SPG7: variants seen among roughly 807,000 people sequenced by gnomAD.
SPG7 encodes the protein mitochondrial inner membrane m-AAA protease component paraplegin.
A neutral mutation model predicts 81.9 loss-of-function variants in SPG7; 103 were observed. The ratio of observed to expected loss-of-function variants is 1.26; its 90% CI spans 1.07 to 1.48. The LOEUF (loss-of-function observed/expected upper bound fraction) is 1.48. Among genes scored for constraint, SPG7 ranks in the 40% most tolerant of loss-of-function variants. The probability of loss-of-function intolerance (pLI) is 0.00; values close to 1 mark genes in which losing one functional copy is unlikely to be tolerated. For synonymous variants in SPG7, 534 were observed against 444.2 expected (o/e 1.20, Z -2.54); for missense variants, 1,241 against 1,087.3 (o/e 1.14, Z -1.99).
Position 89,546,964 on chromosome 16 carries a change from C to G in SPG7, c.1552+204C>G, listed in dbSNP as rs146008681. The G allele has an allele frequency of 6.9e-6, 4 of 578,162 alleles. No homozygotes were observed. In the East Asian group the frequency reaches 1.2e-4, roughly 18 times the overall value. The allele number at this position is 578,162 out of a possible 1,614,324, so 35.8% of individuals were successfully genotyped here. A position where few individuals can be genotyped will look rare whatever the true frequency, so the allele number is the denominator to read the frequency against. On this transcript the variant is annotated intron_variant, in intron 11 of 16. Coordinates refer to ENST00000645818, the MANE Select transcript of SPG7 (RefSeq NM_003119.4). ...GGCACCCGCACTCCGTCCTCCGCCCCGGGGTGGAAAAGCAGACGGTGGTTC... is the reference window on the plus strand; with the variant it reads ...GGCACCCGCACTCCGTCCTCCGCCCGGGGGTGGAAAAGCAGACGGTGGTTC...
At chr16:89,526,952 G>C (rs899091378) in intron 5 of SPG7, 1 of 214,586 alleles carries the variant, frequency 4.7e-6, no homozygotes, top group African/African-American at 2.5e-5. Flanking sequence ...CCCCGACGTA[G>C]GATGGCGAAG....
At chr16:89,529,612 T>C (rs186371421) in intron 6 of SPG7, 33 bp downstream of exon 6, 33 of 1,482,620 alleles carry the variant, frequency 2.2e-5, no homozygotes, top group Admixed American at 2.0e-4. Flanking sequence ...CTCTGAACTC[T>C]TTCTGGTTTG....
chr16:89,532,286 G>A (rs555364362), intron 8 of SPG7, among the ~76,000 whole-genome samples, 177 bp from the exon 9 acceptor site: 125 of 152,358 alleles, frequency 8.2e-4, no homozygotes, highest in Non-Finnish European at 1.6e-3. Flanking sequence ...CACGGTGCGT[G>A]TGAACCCTGA....
intron 3 of SPG7, 184 bp from the exon 4 acceptor site, chr16:89,523,822 C>G: frequency 4.9e-6 from 4 of 823,480 alleles, no homozygotes; most frequent in Non-Finnish European, 6.0e-6. Flanking sequence ...TGGGTGACCT[C>G]GAACAGCACA....
chr16:89,541,044 G>A (rs550881710), intron 9 of SPG7: 1 of 985,064 alleles, frequency 1.0e-6, no homozygotes, highest in South Asian at 4.7e-5. Flanking sequence ...TTATCACGGT[G>A]TTGTACGCAG....
At chr16:89,534,428 A>ATGT (rs1330939241) in intron 9 of SPG7, among the ~76,000 whole-genome samples, 1 of 152,230 alleles carries the variant, frequency 6.6e-6, no homozygotes, top group Non-Finnish European at 1.5e-5. Context: ...GTGGTGAATC[A>ATGT]GGCTGTGTTA....
Position 89,527,893 on chromosome 16 carries a change from C to T in SPG7, c.758+1425C>T, listed in dbSNP as rs545841666. Among the ~76,000 whole-genome samples the T allele has an allele frequency of 1.9e-4, 29 of 150,650 alleles. 1 individual carries two copies. The highest frequency in any genetic ancestry group is 3.5e-3 in the Middle Eastern group (1 of 284). ...GGAGGATCTCTTGAGCCCACAAGTT[C>T]GAGACCAGTCTGGGCAGCATGGAGA... On this transcript the variant is annotated intron_variant, in intron 5 of 16. Coordinates refer to ENST00000645818, the MANE Select transcript of SPG7 (RefSeq NM_003119.4).
At position 89,550,298 on chromosome 16, in the gene SPG7, A is replaced by C. The variant is rs1465904213; in HGVS notation, c.1664-196A>C. 6 of 555,368 alleles carry C rather than the reference A, an allele frequency of 1.1e-5. No homozygotes were observed. The highest frequency in any genetic ancestry group is 2.4e-5 in the Admixed American group (1 of 41,028). 34.4% of individuals were successfully genotyped at this position (555,368 alleles called of 1,614,324 possible). ...AGTGATTCTCTTGCCTCAGCCTCCC[A>C]AGTAGCTGGGACTGCAGGCGCCCGC... On this transcript the variant is annotated intron_variant, in intron 12 of 16. Transcript: ENST00000645818.
intron 3 of SPG7, chr16:89,523,416 C>T: frequency 3.1e-6 from 1 of 324,440 alleles, no homozygotes; most frequent in Non-Finnish European, 6.1e-6. Flanking sequence ...TTTCTTGAGG[C>T]AGGTTGTGGT....
intron 9 of SPG7, among the ~76,000 whole-genome samples, chr16:89,534,464 T>C (rs1243587715): frequency 6.6e-6 from 1 of 152,230 alleles, no homozygotes; most frequent in African/African-American, 2.4e-5. Context: ...TCTTCTGAAG[T>C]CTCTGCTTTG....
rs2081982 is a variant in SPG7 at position 89,553,667 on chromosome 16, G to A, written c.1937-127G>A. ...CAACGTCCTCACTGTCCAGCTTCAC[G>A]GTGGGTCCTCGGGAGGAAGGGGATG... On this transcript the variant is annotated intron_variant, in intron 14 of 16. Transcript: ENST00000645818. 2.6e-3 allele frequency: 2,265 copies of A among 872,062 alleles called. 83 individuals are homozygous for A. In the East Asian group the frequency reaches 0.052, roughly 20 times the overall value. The allele number at this position is 872,062 out of a possible 1,614,324, so 54.0% of individuals were successfully genotyped here.
chr16:89,512,462 G>A (rs1293308602), intron 2 of SPG7, among the ~76,000 whole-genome samples: 2 of 152,074 alleles, frequency 1.3e-5, no homozygotes, highest in African/African-American at 4.8e-5. Flanking sequence ...ACAAGCGCCT[G>A]CCAACACGTC....
chr16:89,544,645 C>T lies in SPG7; in HGVS notation c.1325-3C>T, dbSNP rs1567926244. 1.2e-6 allele frequency: 2 copies of T among 1,613,990 alleles called. No individual in the cohort carries two copies. Among genetic ancestry groups the T allele is most frequent in the Middle Eastern group, 1.6e-4 (1 of 6,062 alleles). On this transcript the variant is annotated splice_polypyrimidine_tract_variant and splice_region_variant and intron_variant, in intron 9 of 16. Transcript: ENST00000645818. ...AGAGCCACTGTCTGCTCTGTCCCCT[C>T]AGGAATGGGTACCACAGACCATGTC...
chr16:89,537,760 C>T (rs1379254336), intron 9 of SPG7: 1 of 985,316 alleles, frequency 1.0e-6, no homozygotes, highest in African/African-American at 1.7e-5. Flanking sequence ...CAGGTCCAGG[C>T]TCCCAGTGTC....
At chr16:89,531,092 C>G in intron 7 of SPG7, 1 of 532,694 alleles carries the variant, frequency 1.9e-6, no homozygotes, top group Non-Finnish European at 3.4e-6. Context: ...TGTGCTTTTT[C>G]CAGAACCACA....
intron 3 of SPG7, 97 bp downstream of exon 3, chr16:89,513,134 G>A (rs2058044739): frequency 6.6e-7 from 1 of 1,517,652 alleles, no homozygotes; most frequent in African/African-American, 1.4e-5. Context: ...TGGAAAATGG[G>A]GAGATGGGCC....
chr16:89,519,997 C>G (rs1439815066), intron 3 of SPG7: 1 of 152,280 alleles, frequency 6.6e-6, no homozygotes, highest in African/African-American at 2.4e-5. Context: ...GGCAACAAAA[C>G]TTGCCAGTGG....
In SPG7 at chr16:89,532,455, C is replaced by A. The variant is rs200402056; in HGVS notation, c.1151-8C>A. 6.2e-7 allele frequency: 1 copy of A among 1,613,134 alleles called. No homozygotes were observed. The highest frequency in any genetic ancestry group is 1.3e-5 in the African/African-American group (1 of 74,920). On this transcript the variant is annotated splice_polypyrimidine_tract_variant and splice_region_variant and intron_variant, in intron 8 of 16. Coordinates refer to ENST00000645818, the MANE Select transcript of SPG7 (RefSeq NM_003119.4). ...GCCCATTTCCTGATTCTCTCTGTGT[C>A]CCCTCAGGCCTCGGCGCTGCCCGTG...
chr16:89,526,277 T>C, intron 4 of SPG7, 52 bp from the exon 5 acceptor site: 1 of 1,610,648 alleles, frequency 6.2e-7, no homozygotes, highest in Non-Finnish European at 8.5e-7. Context: ...ACTGTAGGGT[T>C]GCTCGTCTGT....
Sources: allele counts gnomAD v4.1 joint callset (sites outside exome capture counted in the v4.1 genomes callset), GRCh38; gene constraint gnomAD v4.1.1; transcripts MANE v1.5; gene names NCBI Gene and HGNC (gene_info 2026-07-23, HGNC 2026-07-21).